RGS7: variants seen among roughly 807,000 people sequenced by gnomAD.
The protein encoded by RGS7 is regulator of G-protein signaling 7.
A neutral mutation model predicts 81.1 loss-of-function variants in RGS7; 27 were observed. The ratio of observed to expected loss-of-function variants is 0.33; its 90% CI spans 0.25 to 0.46. The LOEUF (loss-of-function observed/expected upper bound fraction) is 0.46. RGS7 is among the 20% of genes least tolerant of loss of function. RGS7 has a pLI of 1.00. For missense variants in RGS7, 396 were observed against 607.4 expected, an observed-to-expected ratio of 0.65 and a Z score of 3.66; for synonymous variants, 208 against 207.7, an observed-to-expected ratio of 1.00 and a Z score of -0.01.
At chr1:241,061,009 C>G (rs2061713526) in intron 3 of RGS7, among the ~76,000 whole-genome samples, 1 of 152,208 alleles carries the variant, frequency 6.6e-6, no homozygotes, top group Admixed American at 6.5e-5. Flanking sequence ...ATGCCACCAC[C>G]TGCTCCCGCT....
intron 2 of RGS7, among the ~76,000 whole-genome samples, chr1:241,211,058 ATGGATCACC>A (rs1343806213): frequency 6.6e-6 from 1 of 152,062 alleles, no homozygotes; most frequent in Admixed American, 6.6e-5. Flanking sequence ...GACGAGAAGG[ATGGATCACC>A]TGAGGTGGGG....
chr1:241,168,589 G>A (rs1372334706), intron 2 of RGS7, among the ~76,000 whole-genome samples: 2 of 152,084 alleles, frequency 1.3e-5, no homozygotes, highest in Non-Finnish European at 2.9e-5. Context: ...ACTACGTTAT[G>A]TTATATCACA....
intron 2 of RGS7, among the ~76,000 whole-genome samples, chr1:241,253,428 T>C (rs1164709206): frequency 1.3e-5 from 2 of 152,068 alleles, no homozygotes; most frequent in Admixed American, 6.5e-5. Flanking sequence ...TGGCCATAGA[T>C]CTCTGTGACA....
chr1:241,176,390 C>G (rs1400185702), intron 2 of RGS7, among the ~76,000 whole-genome samples: 1 of 152,080 alleles, frequency 6.6e-6, no homozygotes, highest in African/African-American at 2.4e-5. Context: ...CTTGCTTAAG[C>G]CCCCACTTCA....
chr1:240,776,110 T>C lies in RGS7; in HGVS notation c.*110A>G, dbSNP rs1306687550. The C allele has an allele frequency of 4.5e-6, 6 of 1,334,170 alleles. No homozygotes were observed. The East Asian group carries it at 1.1e-4, about 26-fold the overall frequency. The allele number at this position is 1,334,170 out of a possible 1,614,324, so 82.6% of individuals were successfully genotyped here. A position where few individuals can be genotyped will look rare whatever the true frequency, so the allele number is the denominator to read the frequency against. On this transcript the variant is annotated 3_prime_UTR_variant, in exon 19 of 19. Transcript: ENST00000440928. ...TCTGCTCCAGGTCACAACATTGAGC[T>C]ACAAAGTGTGTGCAGTGACTCCAGT...
At chr1:241,027,762 T>G (rs538753487) in intron 3 of RGS7, among the ~76,000 whole-genome samples, 1 of 151,832 alleles carries the variant, frequency 6.6e-6, no homozygotes, top group African/African-American at 2.4e-5. Context: ...GAAAAACAGG[T>G]GGAGAGAATG....
At chr1:241,260,856 G>A (rs2077292757) in intron 2 of RGS7, among the ~76,000 whole-genome samples, 1 of 146,224 alleles carries the variant, frequency 6.8e-6, no homozygotes. Flanking sequence ...CTTAAGGTGA[G>A]ACTCCTCCCT....
chr1:240,882,587 T>C (rs1032177915), intron 6 of RGS7, among the ~76,000 whole-genome samples: 2 of 152,076 alleles, frequency 1.3e-5, no homozygotes, highest in Non-Finnish European at 2.9e-5. Flanking sequence ...ACAAAACAGA[T>C]ACGACACACA....
chr1:240,893,146 G>A (rs1668527089), intron 6 of RGS7, among the ~76,000 whole-genome samples: 1 of 152,096 alleles, frequency 6.6e-6, no homozygotes, highest in Admixed American at 6.6e-5. Flanking sequence ...CAGTCCTCAT[G>A]ACCACCATCT....
chr1:241,191,262 A>C (rs564591347), intron 2 of RGS7, among the ~76,000 whole-genome samples: 3 of 152,180 alleles, frequency 2.0e-5, no homozygotes, highest in Non-Finnish European at 2.9e-5. Flanking sequence ...TACAGGAGTG[A>C]GCCACCGTGC....
At chr1:240,805,004 T>C (rs535781969) in intron 15 of RGS7, among the ~76,000 whole-genome samples, 31 of 152,350 alleles carry the variant, frequency 2.0e-4, no homozygotes, top group Non-Finnish European at 4.1e-4. Flanking sequence ...AGGTACTTTT[T>C]AGAATTAATA....
chr1:241,298,215 T>A (rs568933113), intron 2 of RGS7, among the ~76,000 whole-genome samples: 1 of 152,098 alleles, frequency 6.6e-6, no homozygotes, highest in Non-Finnish European at 1.5e-5. Context: ...AACGCCCAAC[T>A]ACTAAAACCC....
chr1:241,162,218 A>C (rs1215485761), intron 2 of RGS7, among the ~76,000 whole-genome samples: 3 of 92,808 alleles, frequency 3.2e-5, no homozygotes, highest in African/African-American at 9.1e-5. Context: ...GAAACTGGTG[A>C]TCAGCTTCCA....
intron 2 of RGS7, among the ~76,000 whole-genome samples, chr1:241,214,082 A>G (rs1467396268): frequency 6.6e-6 from 1 of 152,122 alleles, no homozygotes; most frequent in Non-Finnish European, 1.5e-5. Context: ...TAGCCTTTAT[A>G]TTTATCTATG....
chr1:240,963,885 G>A (rs1053351036), intron 4 of RGS7, among the ~76,000 whole-genome samples: 3 of 152,208 alleles, frequency 2.0e-5, no homozygotes, highest in Non-Finnish European at 2.9e-5. Context: ...GGTGGCCCAC[G>A]CCTGTAATCC....
chr1:240,788,661 G>T (rs1685462839), intron 18 of RGS7, among the ~76,000 whole-genome samples: 1 of 152,242 alleles, frequency 6.6e-6, no homozygotes, highest in Non-Finnish European at 1.5e-5. Context: ...GGAGAGATCA[G>T]CTGGGAATAC....
intron 2 of RGS7, among the ~76,000 whole-genome samples, chr1:241,269,920 T>C (rs2077784956): frequency 6.6e-6 from 1 of 152,184 alleles, no homozygotes; most frequent in Non-Finnish European, 1.5e-5. Flanking sequence ...CATAGGGCAT[T>C]ATGAGGCTGA....
chr1:241,159,353 C>A (rs1025313016), intron 2 of RGS7, among the ~76,000 whole-genome samples: 46 of 152,184 alleles, frequency 3.0e-4, no homozygotes, highest in African/African-American at 1.1e-3. Flanking sequence ...TTCATTATCT[C>A]CATGTCCCTT....
intron 6 of RGS7, among the ~76,000 whole-genome samples, chr1:240,894,110 T>A (rs1053097749): frequency 6.6e-6 from 1 of 152,232 alleles, no homozygotes; most frequent in South Asian, 2.1e-4. Context: ...TTTCTCTCAG[T>A]GCCTTGAAAC....
Sources: gnomAD v4.1 joint callset for allele counts (sites outside exome capture counted in the v4.1 genomes callset) on GRCh38, gnomAD v4.1.1 for gene constraint, MANE v1.5 for transcripts, NCBI Gene and HGNC (gene_info 2026-07-23, HGNC 2026-07-21) for gene names.